ZEB2: variants seen among roughly 807,000 people sequenced by gnomAD.
ZEB2 encodes the protein zinc finger E-box-binding homeobox 2.
A neutral mutation model predicts 99.9 loss-of-function variants in ZEB2; 6 were observed. The ratio of observed to expected loss-of-function variants is 0.06; its 90% CI spans 0.03 to 0.12. ZEB2 has a LOEUF of 0.12. ZEB2 is among the 10% of genes least tolerant of loss of function. The pLI is 1.00. For missense variants in ZEB2, 969 were observed against 1,502.8 expected (o/e 0.64, Z 5.87); for synonymous variants, 517 against 542.5 (o/e 0.95, Z 0.65).
intron 4 of ZEB2, among the ~76,000 whole-genome samples, chr2:144,411,007 T>C (rs1703452611): frequency 7.1e-6 from 1 of 141,658 alleles, no homozygotes; most frequent in African/African-American, 2.6e-5. Context: ...ATTCACCCGT[T>C]TGGAGATATA....
intron 2 of ZEB2, among the ~76,000 whole-genome samples, chr2:144,505,926 A>G (rs1394345639): frequency 6.6e-6 from 1 of 152,204 alleles, no homozygotes; most frequent in Non-Finnish European, 1.5e-5. Context: ...TTAAAATACC[A>G]TCTTTATTCA....
chr2:144,461,565 C>T (rs972155795), intron 2 of ZEB2: 1 of 152,212 alleles, frequency 6.6e-6, no homozygotes, highest in Non-Finnish European at 1.5e-5. Context: ...ACAATTGCAA[C>T]TGTGTGCCTC....
rs542260675 is a variant in ZEB2 at position 144,401,991 on chromosome 2, A to G, written c.808-684T>C. Among the ~76,000 whole-genome samples the G allele has an allele frequency of 2.6e-5, 4 of 152,316 alleles. No individual in the cohort carries two copies. In the South Asian group the frequency reaches 8.3e-4, roughly 32 times the overall value. On this transcript the variant is annotated intron_variant, in intron 6 of 9. Transcript: ENST00000627532. Reference sequence around the variant, plus strand: ...TTCATTATCAAACGTAAGAGACAACATCTTGGGTTATAGCTGCTTGAGCAG... The same window carrying G: ...TTCATTATCAAACGTAAGAGACAACGTCTTGGGTTATAGCTGCTTGAGCAG...
chr2:144,484,087 C>T lies in ZEB2; in HGVS notation c.73+33191G>A, dbSNP rs142203446. ...GAGGGAAGTTGATTGATTTTTCTTACGGAACTCAAAGTTGTTCCCACATGG... is the reference window on the plus strand; with the variant it reads ...GAGGGAAGTTGATTGATTTTTCTTATGGAACTCAAAGTTGTTCCCACATGG... On this transcript the variant is annotated intron_variant, in intron 2 of 9. Transcript: ENST00000627532. Among the ~76,000 whole-genome samples the T allele has an allele frequency of 6.2e-4, 94 of 151,910 alleles. 1 individual carries two copies. The highest frequency in any genetic ancestry group is 1.1e-3 in the Non-Finnish European group (75 of 67,994).
intron 2 of ZEB2, chr2:144,494,819 G>A (rs1033470518): frequency 1.3e-5 from 2 of 152,082 alleles, no homozygotes; most frequent in Admixed American, 6.5e-5. Flanking sequence ...GCAGTTCCCA[G>A]GCGGACAAAC....
chr2:144,470,767 T>C (rs1010140137), intron 2 of ZEB2, among the ~76,000 whole-genome samples: 1 of 152,150 alleles, frequency 6.6e-6, no homozygotes, highest in Non-Finnish European at 1.5e-5. Flanking sequence ...GTCCCTTCTT[T>C]TGGGAAAAAA....
chr2:144,497,856 CATATATATATATAT>C (rs1704789297), intron 2 of ZEB2: 1 of 1,496 alleles, frequency 6.7e-4, no homozygotes, highest in Non-Finnish European at 4.6e-3. Flanking sequence ...TCATTCTCAA[CATATATATATATAT>C]GTCATTCTCA....
intron 6 of ZEB2, among the ~76,000 whole-genome samples, 161 bp downstream of exon 6, chr2:144,403,755 A>T (rs556668541): frequency 1.3e-5 from 2 of 152,232 alleles, no homozygotes; most frequent in Non-Finnish European, 2.9e-5. Context: ...ATATTAGAAG[A>T]GACCATCAAA....
chr2:144,405,637 C>A (rs1439768102), intron 4 of ZEB2, among the ~76,000 whole-genome samples: 1 of 150,900 alleles, frequency 6.6e-6, no homozygotes, highest in Non-Finnish European at 1.5e-5. Flanking sequence ...CAGAATGTGG[C>A]ATTTTATCTT....
intron 2 of ZEB2, among the ~76,000 whole-genome samples, chr2:144,502,854 A>ATT (rs962694906): frequency 6.9e-6 from 1 of 144,360 alleles, no homozygotes; most frequent in South Asian, 2.2e-4. Flanking sequence ...AACTCCCTTG[A>ATT]TTTTTTTTTT....
intron 4 of ZEB2, among the ~76,000 whole-genome samples, chr2:144,416,698 C>T (rs554103426): frequency 5.9e-5 from 9 of 152,206 alleles, no homozygotes; most frequent in Non-Finnish European, 1.2e-4. Flanking sequence ...ATAACCCACT[C>T]CATCTTTCAC....
rs1276566236 is a variant in ZEB2, at chr2:144,389,668, T to C, written c.3428A>G (p.Glu1143Gly). The C allele has an allele frequency of 1.2e-6, 2 of 1,614,124 alleles. No homozygotes were observed. The highest frequency in any genetic ancestry group is 8.5e-7 in the Non-Finnish European group (1 of 1,180,022). ...DGESEKEHEK[E>G]GEDGYGKLGR... is the part of the protein sequence containing the mutation. Reference sequence around the variant, plus strand: ...CAGCTTCCCGTAGCCATCCTCGCCTTCTTTCTCGTGCTCCTTCTCGCTCTC... The same window carrying C: ...CAGCTTCCCGTAGCCATCCTCGCCTCCTTTCTCGTGCTCCTTCTCGCTCTC... Residue 1143 changes from glutamate (E) to glycine (G), a missense_variant, in exon 10 of 10, where the codon GAA becomes GGA. Around this residue, in one of 8 missense-constraint regions of ZEB2, gnomAD observed 121 missense variants for 166.4 expected, o/e 0.73. Transcript: ENST00000627532. The surrounding 1 kb of genome is among the most constrained non-coding windows in gnomAD (Gnocchi z 6.8).
At position 144,399,036 on chromosome 2, in the gene ZEB2, G is replaced by A; in HGVS notation, c.2151C>T (p.Pro717=). ...SLERSSKPLA[P]NSNPPTKDSL... is the part of the protein sequence containing the mutation. ...AGTCTTTTGTGGGAGGGTTACTGTT[G>A]GGAGCTAACGGCTTGGAGCTTCTTT... Residue 717 remains proline (P), a synonymous_variant, in exon 8 of 10, where the codon CCC becomes CCT. Transcript: ENST00000627532. The surrounding 1 kb of genome is among the most constrained non-coding windows in gnomAD (Gnocchi z 5.6). 2.5e-6 allele frequency: 4 copies of A among 1,614,104 alleles called. No individual in the cohort carries two copies. Among genetic ancestry groups the A allele is most frequent in the Non-Finnish European group, 3.4e-6 (4 of 1,179,986 alleles).
intron 2 of ZEB2, among the ~76,000 whole-genome samples, chr2:144,500,904 G>T: frequency 6.6e-6 from 1 of 152,152 alleles, no homozygotes; most frequent in East Asian, 1.9e-4. Context: ...ACAATGCACT[G>T]GTGTGCTGTA....
chr2:144,495,021 T>G (rs907452906), intron 2 of ZEB2: 3 of 152,248 alleles, frequency 2.0e-5, no homozygotes, highest in African/African-American at 7.2e-5. Flanking sequence ...ATCTCTTGTC[T>G]ACATGTGTAT....
chr2:144,493,741 C>A (rs1277283766), intron 2 of ZEB2, among the ~76,000 whole-genome samples: 3 of 152,158 alleles, frequency 2.0e-5, no homozygotes, highest in Non-Finnish European at 4.4e-5. Context: ...AGTTGTGTAA[C>A]CTCTTTGTGA....
At position 144,497,888 on chromosome 2, in the gene ZEB2, T is replaced by TTA. The variant is rs1416803534; in HGVS notation, c.73+19389_73+19390insTA. On this transcript the variant is annotated intron_variant, in intron 2 of 9. Transcript: ENST00000627532. The stretch of plus-strand genomic sequence containing the variant: ...ATATATATGTCATTCTCAACATATA[T>TTA]ATATATGTCATTCTCAACATATATA... 2.1e-3 allele frequency: 6 copies of TTA among 2,890 alleles called. 1 individual carries two copies. The highest frequency in any genetic ancestry group is 8.1e-3 in the Admixed American group (1 of 124). 0.2% of individuals were successfully genotyped at this position (2,890 alleles called of 1,614,324 possible). A position where few individuals can be genotyped will look rare whatever the true frequency, so the allele number is the denominator to read the frequency against.
At chr2:144,418,305 T>C (rs577375166) in intron 4 of ZEB2, among the ~76,000 whole-genome samples, 4 of 152,364 alleles carry the variant, frequency 2.6e-5, no homozygotes, top group South Asian at 2.1e-4. Context: ...GTTAAAATTG[T>C]ATTTTTGTTT....
At chr2:144,515,989 G>A (rs1200629416) in intron 2 of ZEB2, 1 of 152,178 alleles carries the variant, frequency 6.6e-6, no homozygotes, top group Admixed American at 6.6e-5. Flanking sequence ...AGTGGGCCCG[G>A]GCGGTCCCCG....
Sources: gnomAD v4.1 joint callset for allele counts (sites outside exome capture counted in the v4.1 genomes callset) on GRCh38, gnomAD v4.1.1 for gene constraint, gnomAD v4.1.1 regional missense constraint, Gnocchi (gnomAD v3.1) non-coding constraint, MANE v1.5 for transcripts, NCBI Gene and HGNC (gene_info 2026-07-23, HGNC 2026-07-21) for gene names.